The following PACRG variants were observed in gnomAD, a reference collection of about 807,000 sequenced individuals.
PACRG encodes parkin coregulated.
PACRG carries 29 observed loss-of-function variants against 29.7 expected under a neutral mutation model. That is an observed-to-expected ratio of 0.98 (90% confidence interval 0.73 to 1.33). The LOEUF (loss-of-function observed/expected upper bound fraction) is 1.33, where lower values mean the gene tolerates loss of function less well. PACRG is among the 40% of genes most tolerant of loss of function. The pLI is 0.00. For synonymous variants in PACRG, 116 were observed against 118.7 expected (o/e 0.98, Z 0.15); for missense variants, 279 against 316.2 (o/e 0.88, Z 0.89).
intron 4 of PACRG, among the ~76,000 whole-genome samples, chr6:163,269,799 AGGAAGGAAGGAAGGAAGGAAGG>A (rs1467723795): frequency 1.8e-4 from 20 of 111,744 alleles, no homozygotes; most frequent in African/African-American, 7.2e-4. Context: ...AAAGAAAGGA[AGGAAGGAAGGAAGGAAGGAAGG>A]AGAAAGAAAG....
chr6:162,983,720 C>T lies in PACRG; in HGVS notation c.292-78430C>T, dbSNP rs565374488. On this transcript the variant is annotated intron_variant, in intron 2 of 4. Transcript: ENST00000366888. ...TTCCCTTAGAGGTTACCTATGCTTT[C>T]GCTTCACAGCTCTTAAGATTATTTC... 1.8e-4 allele frequency among the ~76,000 whole-genome samples: 28 copies of T among 152,118 alleles called. No individual in the cohort carries two copies. In the South Asian group the frequency reaches 3.3e-3, roughly 18 times the overall value.
In PACRG at chr6:162,943,366, C is replaced by T. The variant is rs555661243; in HGVS notation, c.292-118784C>T. ...GCCAAAGCACCAGCCCTTGGCAGCA[C>T]TCTCACCACCAGCAGCAGTGGGCTG... On this transcript the variant is annotated intron_variant, in intron 2 of 4. Coordinates refer to ENST00000366888, the MANE Select transcript of PACRG (RefSeq NM_001080379.2). Among the ~76,000 whole-genome samples, 18 of 152,306 alleles carry T rather than the reference C, an allele frequency of 1.2e-4. No individual in the cohort carries two copies. In the East Asian group the frequency reaches 3.5e-3, roughly 29 times the overall value.
intron 2 of PACRG, among the ~76,000 whole-genome samples, chr6:162,874,151 A>ATATATATAT (rs1554296144): frequency 1.5e-4 from 20 of 136,294 alleles, no homozygotes; most frequent in Middle Eastern, 3.8e-3. Context: ...AAAAAAAAAA[A>ATATATATAT]ATATATATAT....
intron 4 of PACRG, among the ~76,000 whole-genome samples, chr6:163,148,631 A>G (rs1585266936): frequency 6.6e-6 from 1 of 152,286 alleles, no homozygotes; most frequent in East Asian, 1.9e-4. Context: ...CACTCAGAAT[A>G]TGGAAAATCG....
chr6:162,902,766 G>GTTTA, intron 2 of PACRG, among the ~76,000 whole-genome samples: 1 of 152,242 alleles, frequency 6.6e-6, no homozygotes, highest in South Asian at 2.1e-4. Flanking sequence ...TCATCCTATA[G>GTTTA]TTTAGTATTT....
At chr6:162,928,033 G>T (rs1174833782) in intron 2 of PACRG, among the ~76,000 whole-genome samples, 2 of 151,966 alleles carry the variant, frequency 1.3e-5, no homozygotes, top group Non-Finnish European at 2.9e-5. Flanking sequence ...GGTAATGCTG[G>T]CCTCATAGAA....
intron 2 of PACRG, 44 bp from the exon 3 acceptor site, chr6:163,062,106 C>A: frequency 6.3e-7 from 1 of 1,599,778 alleles, no homozygotes; most frequent in Non-Finnish European, 8.5e-7. Flanking sequence ...GTGCTCTGCC[C>A]GAATGCTGTT....
intron 2 of PACRG, among the ~76,000 whole-genome samples, chr6:163,048,887 A>C (rs1240488075): frequency 6.6e-6 from 1 of 152,148 alleles, no homozygotes; most frequent in Non-Finnish European, 1.5e-5. Context: ...GGAATTTCTG[A>C]AGGCTTGCTT....
intron 4 of PACRG, among the ~76,000 whole-genome samples, chr6:163,277,934 C>G (rs943156857): frequency 2.0e-5 from 3 of 152,084 alleles, no homozygotes; most frequent in African/African-American, 7.2e-5. Flanking sequence ...AGTGGTTGTA[C>G]TAGTTTACAT....
rs183866355 is a variant in PACRG at position 162,893,539 on chromosome 6, A to C, written c.291+79258A>C. Among the ~76,000 whole-genome samples the C allele has an allele frequency of 3.4e-3, 512 of 152,248 alleles. 12 individuals are homozygous for C. Among genetic ancestry groups the C allele is most frequent in the Admixed American group, 0.03 (464 of 15,300 alleles). On this transcript the variant is annotated intron_variant, in intron 2 of 4. Coordinates refer to ENST00000366888, the MANE Select transcript of PACRG (RefSeq NM_001080379.2). ...TTGGGGGTGCCAGCAATTGTAACCC[A>C]CACTCTGTTTTCAGAGGCACCACGC... is the stretch of plus-strand genomic sequence containing the variant.
At chr6:163,057,109 C>T (rs1810658973) in intron 2 of PACRG, among the ~76,000 whole-genome samples, 1 of 151,980 alleles carries the variant, frequency 6.6e-6, no homozygotes, top group African/African-American at 2.4e-5. Context: ...CCCAGAACAA[C>T]AACAAAAAAG....
intron 2 of PACRG, among the ~76,000 whole-genome samples, chr6:162,931,006 C>T (rs372965798): frequency 1.3e-5 from 2 of 151,358 alleles, no homozygotes; most frequent in Non-Finnish European, 3.0e-5. Flanking sequence ...TTTTCATATA[C>T]GTTCTTCAGT....
chr6:163,242,692 T>C (rs1196912768), intron 4 of PACRG, among the ~76,000 whole-genome samples: 1 of 152,174 alleles, frequency 6.6e-6, no homozygotes, highest in Non-Finnish European at 1.5e-5. Context: ...ATAAAGTAAC[T>C]AGAAAAATTA....
chr6:163,031,639 AT>A (rs1377897182), intron 2 of PACRG, among the ~76,000 whole-genome samples: 2 of 152,194 alleles, frequency 1.3e-5, no homozygotes, highest in African/African-American at 4.8e-5. Context: ...AAGGAAAATT[AT>A]TTTTTACATA....
At chr6:162,727,916 G>C, upstream of PACRG, 1 of 593,950 alleles carries the variant, frequency 1.7e-6, no homozygotes, top group Non-Finnish European at 3.0e-6. Flanking sequence ...CCGGCTTCAG[G>C]CCCAGCAATC....
Position 162,994,360 on chromosome 6 carries a change from G to C in PACRG, c.292-67790G>C, listed in dbSNP as rs1337437228. Among the ~76,000 whole-genome samples the C allele has an allele frequency of 1.5e-3, 218 of 150,048 alleles. 3 individuals carry two copies. Among genetic ancestry groups the C allele is most frequent in the Admixed American group, 1.6e-3 (24 of 15,180 alleles). ...GTTTTCCAACTTGGTTCCATTCTCC[G>C]CATCACTTTCAGGTACACCAATCAG... On this transcript the variant is annotated intron_variant, in intron 2 of 4. Coordinates refer to ENST00000366888, the MANE Select transcript of PACRG (RefSeq NM_001080379.2).
chr6:162,790,442 C>G (rs2128325419), intron 1 of PACRG, among the ~76,000 whole-genome samples: 1 of 152,136 alleles, frequency 6.6e-6, no homozygotes, highest in South Asian at 2.1e-4. Flanking sequence ...GCATAGTTTA[C>G]CCTTCTGTAG....
At chr6:163,121,445 C>T (rs1816263693) in intron 4 of PACRG, among the ~76,000 whole-genome samples, 1 of 152,106 alleles carries the variant, frequency 6.6e-6, no homozygotes, top group South Asian at 2.1e-4. Context: ...TGCACAGAGT[C>T]ATGGGCTCAC....
chr6:163,310,755 C>T lies in PACRG; in HGVS notation c.614-4072C>T, dbSNP rs570873263. ...GAAATGGAGAATACATCATCAGAAT[C>T]CTAGGTCATCCAAGCCTCTTGCTGG... is the stretch of plus-strand genomic sequence containing the variant. On this transcript the variant is annotated intron_variant, in intron 4 of 4. Transcript: ENST00000366888. 3.9e-5 allele frequency: 6 copies of T among 152,338 alleles called. No individual in the cohort carries two copies. In the South Asian group the frequency reaches 1.2e-3, roughly 32 times the overall value. The allele number at this position is 152,338 out of a possible 1,614,324, so 9.4% of individuals were successfully genotyped here.
Sources: allele counts gnomAD v4.1 joint callset (sites outside exome capture counted in the v4.1 genomes callset), GRCh38; gene constraint gnomAD v4.1.1; transcripts MANE v1.5; gene names NCBI Gene and HGNC (gene_info 2026-07-23, HGNC 2026-07-21).